The following ME1 variants were observed in gnomAD, a reference collection of about 807,000 sequenced individuals.
ME1 encodes the protein malic enzyme 1.
A neutral mutation model predicts 66.4 loss-of-function variants in ME1; 74 were observed. That is an observed-to-expected ratio of 1.11 (90% CI 0.92 to 1.35). The LOEUF (loss-of-function observed/expected upper bound fraction) is 1.35, where lower values mean the gene tolerates loss of function less well. Ranked by LOEUF, ME1 falls within the 40% of genes most tolerant of loss-of-function variation. The pLI is 0.00. For synonymous variants in ME1, 251 were observed against 235.6 expected, an observed-to-expected ratio of 1.07 and a Z score of -0.60; for missense variants, 750 against 694.1, an observed-to-expected ratio of 1.08 and a Z score of -0.90.
In ME1 at chr6:83,227,470, A is replaced by G; in HGVS notation, c.1140T>C (p.Ala380=). ...GTTCTGAGAATGCACCACCAATTGC[A>G]GCAACTCCTAATGAAGAAATATGAA... The part of the protein sequence containing the change: ...EIKPTALIGV[A]AIGGAFSEQI... The change falls in exon 11 of 14, where the codon GCT becomes GCC. Residue 380 remains alanine, a synonymous_variant. Coordinates refer to ENST00000369705, the MANE Select transcript of ME1 (RefSeq NM_002395.6). 6.3e-7 allele frequency: 1 copy of G among 1,597,400 alleles called. No individual in the cohort carries two copies. Among genetic ancestry groups the G allele is most frequent in the Non-Finnish European group, 8.5e-7 (1 of 1,169,920 alleles).
chr6:83,227,674 A>G (rs968185782), intron 10 of ME1, among the ~76,000 whole-genome samples, 197 bp from the exon 11 acceptor site: 2 of 152,226 alleles, frequency 1.3e-5, no homozygotes, highest in African/African-American at 2.4e-5. Context: ...TACAATCCTT[A>G]GGGTCACAAA....
intron 6 of ME1, among the ~76,000 whole-genome samples, chr6:83,298,532 G>C (rs183041588): frequency 7.9e-5 from 12 of 152,060 alleles, no homozygotes; most frequent in Non-Finnish European, 1.5e-4. Flanking sequence ...TTACTCTGAT[G>C]ATAGTTTCTT....
chr6:83,280,969 T>C (rs1444201789), intron 6 of ME1, among the ~76,000 whole-genome samples: 1 of 152,226 alleles, frequency 6.6e-6, no homozygotes, highest in East Asian at 1.9e-4. Flanking sequence ...TTTTTATTAT[T>C]GTCAACTTGC....
At chr6:83,391,492 T>G (rs1421400966) in intron 3 of ME1, among the ~76,000 whole-genome samples, 1 of 152,202 alleles carries the variant, frequency 6.6e-6, no homozygotes, top group Non-Finnish European at 1.5e-5. Context: ...CAAGGGTCCC[T>G]GATTCTTCTT....
At chr6:83,293,182 C>T (rs915127289) in intron 6 of ME1, among the ~76,000 whole-genome samples, 4 of 152,148 alleles carry the variant, frequency 2.6e-5, no homozygotes, top group Non-Finnish European at 4.4e-5. Flanking sequence ...TGAGATGAAC[C>T]AGGTACCTCA....
intron 3 of ME1, chr6:83,392,475 G>A (rs1769640044): frequency 2.0e-6 from 1 of 512,310 alleles, no homozygotes; most frequent in African/African-American, 2.1e-5. Context: ...TGGTCACCAG[G>A]GCTGCTTTAA....
intron 6 of ME1, among the ~76,000 whole-genome samples, chr6:83,270,000 G>A (rs2128530936): frequency 6.6e-6 from 1 of 152,166 alleles, no homozygotes; most frequent in East Asian, 1.9e-4. Flanking sequence ...TATAGACCCA[G>A]AGGTCTGGAT....
intron 12 of ME1, among the ~76,000 whole-genome samples, chr6:83,219,740 A>ATTTTTTTTTTTTTTT (rs11324255): frequency 7.5e-6 from 1 of 133,210 alleles, no homozygotes. Context: ...TGCCCAACTA[A>ATTTTTTTTTTTTTTT]TTTTTTTTTT....
At chr6:83,303,268 C>T (rs1345367005) in intron 6 of ME1, among the ~76,000 whole-genome samples, 1 of 152,104 alleles carries the variant, frequency 6.6e-6, no homozygotes. Flanking sequence ...ACATCTTATT[C>T]TTTGCGAAGT....
Position 83,344,889 on chromosome 6 carries a change from T to A in ME1, c.600+1284A>T, listed in dbSNP as rs188417499. On this transcript the variant is annotated intron_variant, in intron 5 of 13. Transcript: ENST00000369705. Reference sequence around the variant, plus strand: ...AGCAAGACTCCGTCTCAAAAAAAAATAAAATAAAATAAAATAATAATAAAT... The same window carrying A: ...AGCAAGACTCCGTCTCAAAAAAAAAAAAAATAAAATAAAATAATAATAAAT... Among the ~76,000 whole-genome samples, 957 of 151,448 alleles carry A rather than the reference T, an allele frequency of 6.3e-3. 13 individuals carry two copies. Among genetic ancestry groups the A allele is most frequent in the African/African-American group, 0.018 (758 of 41,360 alleles).
At chr6:83,275,498 C>T (rs1185605290) in intron 6 of ME1, among the ~76,000 whole-genome samples, 3 of 109,726 alleles carry the variant, frequency 2.7e-5, no homozygotes, top group East Asian at 2.8e-4. Flanking sequence ...TGGAGTCTTG[C>T]TCTGTCGCCC....
rs146224073 is a variant in ME1 at position 83,277,299 on chromosome 6, A to G, written c.705-23561T>C. On this transcript the variant is annotated intron_variant, in intron 6 of 13. Transcript: ENST00000369705. ...ACTCCTTAACTACACAACTTCTTTT[A>G]TAACATGAAACTCAATGCCTTTTGA... Among the ~76,000 whole-genome samples, 9 of 152,334 alleles carry G rather than the reference A, an allele frequency of 5.9e-5. No homozygotes were observed. The East Asian group carries it at 1.5e-3, about 26-fold the overall frequency.
rs538617788 is a variant in ME1 at position 83,237,753 on chromosome 6, C to G, written c.990G>C (p.Lys330Asn). 5.6e-6 allele frequency: 9 copies of G among 1,608,938 alleles called. No homozygotes were observed. Among genetic ancestry groups the G allele is most frequent in the Admixed American group, 1.7e-5 (1 of 59,654 alleles). The change falls in exon 9 of 14, where the codon AAG becomes AAC. Residue 330 changes from lysine (K) to asparagine (N), a missense_variant. Transcript: ENST00000369705. The part of the protein sequence containing the change: ...EGLPKEKAIK[K>N]IWLVDSKGLI... ...ATCCTTTTGAATCAACCAGCCATAT[C>G]TTTTTGATGGCTTTCTCTTTTGGTA...
chr6:83,246,454 T>A (rs1790624555), intron 7 of ME1, among the ~76,000 whole-genome samples: 1 of 152,120 alleles, frequency 6.6e-6, no homozygotes, highest in South Asian at 2.1e-4. Flanking sequence ...ATTCAAAAAA[T>A]TTTAATTTAC....
At chr6:83,286,528 A>G (rs948095900) in intron 6 of ME1, among the ~76,000 whole-genome samples, 2 of 152,222 alleles carry the variant, frequency 1.3e-5, no homozygotes, top group African/African-American at 4.8e-5. Flanking sequence ...TTACACTTAA[A>G]GAGATATTTT....
intron 3 of ME1, among the ~76,000 whole-genome samples, chr6:83,396,421 A>G (rs768682262): frequency 5.3e-5 from 8 of 152,218 alleles, no homozygotes; most frequent in Non-Finnish European, 7.3e-5. Flanking sequence ...TTAACCAAAG[A>G]GGTGAAATAT....
intron 9 of ME1, among the ~76,000 whole-genome samples, chr6:83,233,008 C>G (rs1164381980): frequency 1.3e-5 from 2 of 152,092 alleles, no homozygotes; most frequent in Non-Finnish European, 2.9e-5. Flanking sequence ...TTCGTAAGGT[C>G]TGTTAATATC....
At chr6:83,220,753 C>A (rs1790077554) in intron 12 of ME1, among the ~76,000 whole-genome samples, 1 of 152,176 alleles carries the variant, frequency 6.6e-6, no homozygotes, top group Admixed American at 6.5e-5. Context: ...ATGACTCATT[C>A]TATTTAATCC....
At chr6:83,403,704 A>G (rs1188671909) in intron 2 of ME1, among the ~76,000 whole-genome samples, 1 of 151,998 alleles carries the variant, frequency 6.6e-6, no homozygotes, top group Non-Finnish European at 1.5e-5. Context: ...CCCCGTGTCC[A>G]TGTGTTCTCA....
Sources: gnomAD v4.1 joint callset for allele counts (sites outside exome capture counted in the v4.1 genomes callset) on GRCh38, gnomAD v4.1.1 for gene constraint, MANE v1.5 for transcripts, NCBI Gene and HGNC (gene_info 2026-07-23, HGNC 2026-07-21) for gene names.